The following MED12L variants were observed in gnomAD, a reference collection of about 807,000 sequenced individuals.
MED12L encodes mediator of RNA polymerase II transcription subunit 12-like protein.
Under a neutral mutation model 281.3 loss-of-function variants are expected in MED12L, and 60 were observed. The observed-to-expected ratio is 0.21, with a 90% CI of 0.17 to 0.26. MED12L has a LOEUF of 0.26. MED12L is among the 10% of genes least tolerant of loss of function. The pLI is 1.00. For synonymous variants in MED12L, 974 were observed against 987.2 expected (o/e 0.99, Z 0.25); for missense variants, 2,146 against 2,680.9 (o/e 0.80, Z 4.41).
intron 5 of MED12L, among the ~76,000 whole-genome samples, chr3:151,137,126 C>T (rs1280867871): frequency 7.0e-6 from 1 of 143,778 alleles, no homozygotes; most frequent in African/African-American, 2.6e-5. Flanking sequence ...CGCACCACTG[C>T]ACTCCAGCCT....
At chr3:151,283,409 C>G (rs989857038) in intron 16 of MED12L, among the ~76,000 whole-genome samples, 1 of 152,200 alleles carries the variant, frequency 6.6e-6, no homozygotes, top group African/African-American at 2.4e-5. Flanking sequence ...TGTGTATTTT[C>G]TCTTTTCAGT....
rs375957352 is a variant in MED12L, at chr3:151,149,867, T to C, written c.557-6294T>C. Among the ~76,000 whole-genome samples, 3 of 152,244 alleles carry C rather than the reference T, an allele frequency of 2.0e-5. No individual in the cohort carries two copies. In the East Asian group the frequency reaches 5.8e-4, roughly 29 times the overall value. ...TTTGCTCATTTATGAGAGGCAACTC[T>C]TCATGCTTAATTTTACTGGGAGGTT... On this transcript the variant is annotated intron_variant, in intron 5 of 44. Transcript: ENST00000687756.
intron 16 of MED12L, among the ~76,000 whole-genome samples, chr3:151,302,145 T>A (rs186304151): frequency 2.3e-4 from 35 of 152,302 alleles, no homozygotes; most frequent in African/African-American, 6.3e-4. Context: ...ACCTAAAGAC[T>A]ACATGTGTTT....
rs1335208361 is a variant in MED12L at position 151,163,948 on chromosome 3, A to G, written c.1163A>G (p.Asn388Ser). 5 of 1,613,452 alleles carry G rather than the reference A, an allele frequency of 3.1e-6. No homozygotes were observed. The East Asian group carries it at 6.7e-5, about 22-fold the overall frequency. The change falls in exon 9 of 45, where the codon AAT becomes AGT. Residue 388 changes from asparagine to serine, a missense_variant. Asn to Ser is a conservative substitution (Grantham distance 46). Around this residue, in one of 9 missense-constraint regions of MED12L, gnomAD observed 722 missense variants for 861.2 expected, o/e 0.84. Coordinates refer to ENST00000687756, the MANE Select transcript of MED12L (RefSeq NM_001393769.1). ...ALVWNYSTNE[N>S]KSANPGSPLD... ...GTGTGGAATTATTCCACAAATGAAA[A>G]TAAGAGCGCAAACCCAGGCTCACCC...
At chr3:151,426,339 C>T (rs1376811243) in intron 43 of MED12L, among the ~76,000 whole-genome samples, 1 of 152,132 alleles carries the variant, frequency 6.6e-6, no homozygotes, top group Non-Finnish European at 1.5e-5. Flanking sequence ...TTCAGTTCTT[C>T]ACAGGAGGGG....
intron 5 of MED12L, among the ~76,000 whole-genome samples, chr3:151,152,086 T>C (rs987956044): frequency 2.8e-4 from 4 of 14,252 alleles, no homozygotes; most frequent in African/African-American, 2.0e-3. Context: ...TTGAAGGTGG[T>C]TTTTTTTTTT....
At chr3:151,156,670 T>G (rs1719330504) in intron 6 of MED12L, among the ~76,000 whole-genome samples, 1 of 152,192 alleles carries the variant, frequency 6.6e-6, no homozygotes, top group South Asian at 2.1e-4. Context: ...ATGCCTTCTG[T>G]GGTAGCAGAC....
intron 2 of MED12L, among the ~76,000 whole-genome samples, chr3:151,101,406 A>G (rs924055124): frequency 6.6e-6 from 1 of 152,118 alleles, no homozygotes; most frequent in East Asian, 1.9e-4. Context: ...ACAGAGAGGT[A>G]CTTAACTTGC....
chr3:151,150,610 C>G (rs1718329581), intron 5 of MED12L, among the ~76,000 whole-genome samples: 1 of 152,234 alleles, frequency 6.6e-6, no homozygotes, highest in Admixed American at 6.5e-5. Context: ...CTTGACTTCT[C>G]TTTTCTAGCT....
chr3:151,206,466 G>T (rs895512720), intron 16 of MED12L, among the ~76,000 whole-genome samples: 4 of 151,832 alleles, frequency 2.6e-5, no homozygotes, highest in East Asian at 3.9e-4. Flanking sequence ...CCTTTTGGTT[G>T]TGAGGTGTGA....
intron 16 of MED12L, among the ~76,000 whole-genome samples, chr3:151,223,399 A>C (rs563984028): frequency 2.0e-5 from 3 of 152,346 alleles, no homozygotes; most frequent in Admixed American, 2.0e-4. Flanking sequence ...TCACATGTTT[A>C]TTGTAGTACT....
At chr3:151,337,757 C>G in intron 16 of MED12L, 1 of 1,521,046 alleles carries the variant, frequency 6.6e-7, no homozygotes, top group Non-Finnish European at 9.1e-7. Flanking sequence ...TTTTACTTAG[C>G]GCTTTGCTTT....
intron 16 of MED12L, among the ~76,000 whole-genome samples, chr3:151,284,529 A>C (rs1240476353): frequency 1.3e-5 from 2 of 152,306 alleles, no homozygotes; most frequent in African/African-American, 4.8e-5. Context: ...AGTTATTCTT[A>C]GGCTATTATG....
Position 151,350,204 on chromosome 3 carries a change from G to T in MED12L, c.2396G>T (p.Gly799Val), listed in dbSNP as rs1753049268. The change falls in exon 17 of 45, where the codon GGG becomes GTG. Residue 799 changes from glycine to valine, a missense_variant and splice_region_variant. By Grantham distance (109) the Gly-to-Val change is moderately radical. Coordinates refer to ENST00000687756, the MANE Select transcript of MED12L (RefSeq NM_001393769.1). ...ILNKKSTTET[G>V]VGDEGQKARK... ...AATAAGAAGAGCACCACAGAGACAG[G>T]GGGTAAAGAACCTTAATGCATTTGC... 1 of 1,612,702 alleles carries T rather than the reference G, an allele frequency of 6.2e-7. No homozygotes were observed. Among genetic ancestry groups the T allele is most frequent in the African/African-American group, 1.3e-5 (1 of 74,704 alleles).
intron 26 of MED12L, among the ~76,000 whole-genome samples, 195 bp from the exon 27 acceptor site, chr3:151,372,372 C>T (rs895163941): frequency 6.6e-6 from 1 of 152,142 alleles, no homozygotes; most frequent in African/African-American, 2.4e-5. Flanking sequence ...GCTTTTTCTC[C>T]ATTTCTGTTA....
At chr3:151,268,596 C>G (rs1740277975) in intron 16 of MED12L, among the ~76,000 whole-genome samples, 1 of 152,096 alleles carries the variant, frequency 6.6e-6, no homozygotes, top group Non-Finnish European at 1.5e-5. Context: ...CAAATTTTGT[C>G]TAATTTGTGA....
chr3:151,246,981 A>G (rs1735683367), intron 16 of MED12L, among the ~76,000 whole-genome samples: 1 of 152,234 alleles, frequency 6.6e-6, no homozygotes, highest in Admixed American at 6.5e-5. Context: ...ACACTTCTCA[A>G]AAGAAGACAT....
intron 43 of MED12L, among the ~76,000 whole-genome samples, chr3:151,427,550 A>G (rs1248873832): frequency 4.6e-5 from 7 of 152,250 alleles, no homozygotes; most frequent in Non-Finnish European, 1.0e-4. Flanking sequence ...TTAAATGAAC[A>G]TAAAGAAGGC....
intron 43 of MED12L, among the ~76,000 whole-genome samples, chr3:151,427,451 C>T (rs940971322): frequency 6.6e-5 from 10 of 152,144 alleles, no homozygotes; most frequent in Non-Finnish European, 1.5e-4. Flanking sequence ...TAGGGTATAC[C>T]TAGTTACTGC....
Sources: gnomAD v4.1 joint callset for allele counts (sites outside exome capture counted in the v4.1 genomes callset) on GRCh38, gnomAD v4.1.1 for gene constraint, gnomAD v4.1.1 regional missense constraint, MANE v1.5 for transcripts, NCBI Gene and HGNC (gene_info 2026-07-23, HGNC 2026-07-21) for gene names.